The following GPHN variants were observed in gnomAD, a reference collection of about 807,000 sequenced individuals.
GPHN encodes gephyrin.
Under a neutral mutation model 95.5 loss-of-function variants are expected in GPHN, and 17 were observed. The ratio of observed to expected loss-of-function variants is 0.18; its 90% CI spans 0.12 to 0.27. The LOEUF (loss-of-function observed/expected upper bound fraction) is 0.27. Among genes scored for constraint, GPHN ranks in the 10% least tolerant of loss-of-function variants. GPHN has a pLI of 1.00. For missense variants in GPHN, 660 were observed against 978.1 expected (o/e 0.67, Z 4.34); for synonymous variants, 320 against 322.5 (o/e 0.99, Z 0.08).
intron 9 of GPHN, among the ~76,000 whole-genome samples, chr14:67,010,637 GAAAATTTTTT>G (rs1408081891): frequency 2.2e-4 from 34 of 151,710 alleles, no homozygotes; most frequent in African/African-American, 7.3e-5. Flanking sequence ...TTCCTACATG[GAAAATTTTTT>G]AAAATTTTTC....
chr14:67,439,753 G>T, the GPHN span, among the ~76,000 whole-genome samples: 1 of 152,056 alleles, frequency 6.6e-6, no homozygotes, highest in Non-Finnish European at 1.5e-5. Context: ...ATCCAAATTT[G>T]TTCCATTTTG....
intron 1 of GPHN, among the ~76,000 whole-genome samples, chr14:66,609,614 T>A (rs1380670350): frequency 1.3e-5 from 2 of 152,094 alleles, no homozygotes; most frequent in African/African-American, 4.8e-5. Flanking sequence ...TTTTCAGAAA[T>A]TTTTTTCATT....
intron 4 of GPHN, among the ~76,000 whole-genome samples, chr14:66,875,775 G>C (rs950617694): frequency 6.6e-6 from 1 of 152,124 alleles, no homozygotes; most frequent in Non-Finnish European, 1.5e-5. Context: ...GACCTGCAAA[G>C]AGACTTAGAC....
the GPHN span, among the ~76,000 whole-genome samples, chr14:67,257,011 C>G: frequency 3.0e-4 from 46 of 152,192 alleles, no homozygotes; most frequent in South Asian, 1.2e-3. Context: ...GATCGGGGTA[C>G]AGCTTTTTTT....
chr14:67,059,103 C>G, intron 11 of GPHN: 1 of 429,992 alleles, frequency 2.3e-6, no homozygotes, highest in African/African-American at 2.0e-5. Flanking sequence ...GTTCTCAGCA[C>G]TGAGTGAGGA....
the GPHN span, chr14:67,652,655 A>G: frequency 6.6e-6 from 1 of 152,182 alleles, no homozygotes; most frequent in Non-Finnish European, 1.5e-5. Context: ...CAACTCCACA[A>G]GGGTTTTATT....
chr14:67,523,385 A>G, the GPHN span, among the ~76,000 whole-genome samples: 105 of 152,132 alleles, frequency 6.9e-4, no homozygotes, highest in Non-Finnish European at 1.0e-3. Flanking sequence ...AGTGCTAGGG[A>G]AAAAAAGTCA....
intron 1 of GPHN, among the ~76,000 whole-genome samples, chr14:66,618,786 C>T (rs8009732): frequency 0.31 from 47,193 of 151,912 alleles, 11,170 homozygotes; most frequent in African/African-American, 0.64. Flanking sequence ...ATGCAATAAA[C>T]GGCACATTTT....
chr14:67,194,199 C>T, the GPHN span, among the ~76,000 whole-genome samples: 1 of 151,258 alleles, frequency 6.6e-6, no homozygotes, highest in Non-Finnish European at 1.5e-5. Context: ...CCCGTCTCTA[C>T]AAAAAAATAC....
the GPHN span, chr14:67,411,897 T>G: frequency 4.4e-6 from 4 of 899,042 alleles, no homozygotes; most frequent in Non-Finnish European, 6.5e-6. Flanking sequence ...GGTCCCACCA[T>G]GGGGGTTGGG....
chr14:67,392,946 C>T, the GPHN span: 1 of 1,076,690 alleles, frequency 9.3e-7, no homozygotes, highest in Non-Finnish European at 1.4e-6. Flanking sequence ...TCTGGGCAGC[C>T]TCAGGGCTCT....
the GPHN span, among the ~76,000 whole-genome samples, chr14:67,286,900 G>A: frequency 6.7e-6 from 1 of 148,544 alleles, no homozygotes; most frequent in Non-Finnish European, 1.5e-5. Flanking sequence ...TGAATAATAC[G>A]TATTTGTGAA....
the GPHN span, chr14:67,333,630 ACT>A: frequency 6.6e-6 from 1 of 152,424 alleles, no homozygotes; most frequent in African/African-American, 2.4e-5. Flanking sequence ...CACTCAACAC[ACT>A]CTAATCTACT....
intron 2 of GPHN, among the ~76,000 whole-genome samples, chr14:66,683,092 T>C (rs2067040573): frequency 6.6e-6 from 1 of 151,474 alleles, no homozygotes; most frequent in African/African-American, 2.4e-5. Flanking sequence ...GCCGGAAATA[T>C]CTTAATATAG....
At chr14:67,587,269 G>A in the GPHN span, 1 of 1,611,850 alleles carries the variant, frequency 6.2e-7, no homozygotes. Context: ...AACACCACTA[G>A]TGCCTCTGGA....
At chr14:67,248,198 G>C in the GPHN span, among the ~76,000 whole-genome samples, 1 of 151,932 alleles carries the variant, frequency 6.6e-6, no homozygotes, top group Non-Finnish European at 1.5e-5. Context: ...AATCATTTTG[G>C]ATTTTTAAAA....
the GPHN span, among the ~76,000 whole-genome samples, chr14:67,276,882 G>C: frequency 6.6e-6 from 1 of 152,108 alleles, no homozygotes; most frequent in Non-Finnish European, 1.5e-5. Context: ...AGTGAATATG[G>C]ACACAGATGT....
chr14:67,382,502 C>T, the GPHN span: 1 of 1,613,692 alleles, frequency 6.2e-7, no homozygotes, highest in Admixed American at 1.7e-5. Context: ...CTGGAGAGAA[C>T]AGAAGGCCTT....
chr14:66,874,699 G>A (rs1057252747), intron 4 of GPHN, among the ~76,000 whole-genome samples: 2 of 152,030 alleles, frequency 1.3e-5, no homozygotes, highest in East Asian at 3.9e-4. Flanking sequence ...ATGAAGACAA[G>A]ATTAAAGAAA....
Sources: allele counts gnomAD v4.1 joint callset (sites outside exome capture counted in the v4.1 genomes callset), GRCh38; gene constraint gnomAD v4.1.1; transcripts MANE v1.5; gene names NCBI Gene and HGNC (gene_info 2026-07-23, HGNC 2026-07-21).